The following DAB1 variants were observed in gnomAD, a reference collection of about 807,000 sequenced individuals.
DAB1 encodes the protein disabled homolog 1.
In DAB1, 15 loss-of-function variants were observed where a neutral mutation model predicts 64.6. That is an observed-to-expected ratio of 0.23 (90% CI 0.16 to 0.36). The LOEUF (loss-of-function observed/expected upper bound fraction) is 0.36. DAB1 is among the 10% of genes least tolerant of loss of function. The pLI is 1.00. For missense variants in DAB1, 596 were observed against 706.7 expected (o/e 0.84, Z 1.78); for synonymous variants, 235 against 251.9 (o/e 0.93, Z 0.64).
At chr1:58,278,256 G>A (rs563657004) in intron 4 of DAB1, among the ~76,000 whole-genome samples, 85 of 1,150 alleles carry the variant, frequency 0.074, 39 homozygotes, top group African/African-American at 0.16. Flanking sequence ...ACTGTCTCTC[G>A]CCTGCTGCCA....
Position 57,818,478 on chromosome 1 carries a change from G to A in DAB1, n.551+65521C>T, listed in dbSNP as rs1651969705. On this transcript the variant is annotated intron_variant and non_coding_transcript_variant, in intron 6 of 20. Transcript: ENST00000485760. Reference sequence around the variant, plus strand: ...TTTGTTTTATAAATGAAATAAAATGGATGGGTCAAAATACTGGATAATATT... The same window carrying A: ...TTTGTTTTATAAATGAAATAAAATGAATGGGTCAAAATACTGGATAATATT... Among the ~76,000 whole-genome samples the A allele has an allele frequency of 2.0e-5, 3 of 152,096 alleles. No individual in the cohort carries two copies. In the South Asian group the frequency reaches 6.2e-4, roughly 32 times the overall value.
intron 2 of DAB1, among the ~76,000 whole-genome samples, chr1:57,175,901 C>T (rs1321093482): frequency 1.3e-5 from 2 of 152,114 alleles, no homozygotes; most frequent in East Asian, 1.9e-4. Flanking sequence ...TGGATTTTCC[C>T]GTTTGATTTT....
At chr1:58,287,037 A>T (rs1661701493) in intron 4 of DAB1, among the ~76,000 whole-genome samples, 1 of 152,236 alleles carries the variant, frequency 6.6e-6, no homozygotes, top group Admixed American at 6.5e-5. Context: ...ATGGAGCTGG[A>T]AGCCATTATC....
chr1:57,873,119 T>A (rs1195186804), intron 1 of DAB1, among the ~76,000 whole-genome samples: 14 of 151,980 alleles, frequency 9.2e-5, no homozygotes, highest in Non-Finnish European at 2.1e-4. Context: ...TCATAAAGGG[T>A]CTTAGGTGTC....
At chr1:58,145,245 T>C (rs1273321096) in intron 5 of DAB1, among the ~76,000 whole-genome samples, 2 of 152,218 alleles carry the variant, frequency 1.3e-5, no homozygotes, top group African/African-American at 4.8e-5. Context: ...AGATCCCTCA[T>C]GGGACTTTTT....
chr1:57,092,489 G>A (rs1044807661), intron 4 of DAB1, among the ~76,000 whole-genome samples: 4 of 151,958 alleles, frequency 2.6e-5, no homozygotes, highest in Admixed American at 2.6e-4. Flanking sequence ...TTACCCCTGG[G>A]TTTCTCTCTT....
In DAB1 at chr1:57,819,749, C is replaced by T. The variant is rs188673782; in HGVS notation, n.551+64250G>A. On this transcript the variant is annotated intron_variant and non_coding_transcript_variant, in intron 6 of 20. Coordinates refer to the DAB1 transcript ENST00000485760. Reference sequence around the variant, plus strand: ...AAATATACTGGGAACTGTCATGCTGCTTTGAAAAGTGGGAAAATATTTAGC... The same window carrying T: ...AAATATACTGGGAACTGTCATGCTGTTTTGAAAAGTGGGAAAATATTTAGC... Among the ~76,000 whole-genome samples the T allele has an allele frequency of 1.5e-3, 228 of 152,058 alleles. 5 individuals carry two copies. The South Asian group carries it at 0.037, about 25-fold the overall frequency.
intron 3 of DAB1, chr1:58,462,466 G>C (rs1169458194): frequency 6.6e-6 from 1 of 152,192 alleles, no homozygotes; most frequent in Non-Finnish European, 1.5e-5. Context: ...ATCTCAACCA[G>C]TAGCAATTTT....
chr1:57,323,047 AT>A (rs10671263), intron 1 of DAB1, among the ~76,000 whole-genome samples: 3,153 of 151,664 alleles, frequency 0.021, 89 homozygotes, highest in African/African-American at 0.056. Context: ...GAGTTCTGAG[AT>A]TTTTTTTTGC....
At chr1:57,807,302 A>T (rs1331109590) in intron 6 of DAB1, among the ~76,000 whole-genome samples, 1 of 152,110 alleles carries the variant, frequency 6.6e-6, no homozygotes, top group Non-Finnish European at 1.5e-5. Flanking sequence ...TGATCAATTG[A>T]ATAGGGCAGA....
chr1:57,100,203 C>A (rs1001362873), intron 4 of DAB1, among the ~76,000 whole-genome samples: 1 of 152,092 alleles, frequency 6.6e-6, no homozygotes, highest in African/African-American at 2.4e-5. Context: ...GAATCTACTT[C>A]ATTAGGTTAT....
chr1:57,089,976 C>G (rs1653490144), intron 4 of DAB1, among the ~76,000 whole-genome samples: 1 of 152,148 alleles, frequency 6.6e-6, no homozygotes, highest in African/African-American at 2.4e-5. Context: ...CCTTGTGACA[C>G]AGCCGACACC....
At chr1:57,511,366 CA>C (rs941207126) in intron 7 of DAB1, among the ~76,000 whole-genome samples, 2 of 152,192 alleles carry the variant, frequency 1.3e-5, no homozygotes, top group Admixed American at 1.3e-4. Flanking sequence ...TGATTACACC[CA>C]ACAAGCTGTT....
At chr1:57,031,539 G>A (rs973640548) in intron 9 of DAB1, among the ~76,000 whole-genome samples, 3 of 152,206 alleles carry the variant, frequency 2.0e-5, no homozygotes, top group African/African-American at 7.2e-5. Context: ...CACTATCTAT[G>A]TTTCACAGAT....
At chr1:58,509,564 TAAAC>T (rs1553123299) in intron 2 of DAB1, among the ~76,000 whole-genome samples, 7 of 75,410 alleles carry the variant, frequency 9.3e-5, no homozygotes, top group Non-Finnish European at 2.0e-4. Context: ...AGCAAGCAAA[TAAAC>T]TAACTTTATA....
intron 1 of DAB1, among the ~76,000 whole-genome samples, chr1:57,303,964 C>T (rs754669928): frequency 2.0e-5 from 3 of 152,156 alleles, no homozygotes; most frequent in Non-Finnish European, 4.4e-5. Flanking sequence ...CAACAAACAG[C>T]CTGAAGCTCC....
chr1:57,830,462 T>C (rs958737077), intron 1 of DAB1, among the ~76,000 whole-genome samples: 35 of 152,280 alleles, frequency 2.3e-4, no homozygotes, highest in African/African-American at 8.2e-4. Flanking sequence ...GAGGCAGGAT[T>C]TAAACCCAGG....
chr1:57,636,108 A>AAAAC (rs1553202397), intron 7 of DAB1, among the ~76,000 whole-genome samples: 8 of 149,572 alleles, frequency 5.3e-5, no homozygotes, highest in African/African-American at 2.0e-4. Flanking sequence ...AAAAAAAAAA[A>AAAAC]AAAAACAAAA....
chr1:57,135,413 A>G (rs887699837), intron 4 of DAB1, among the ~76,000 whole-genome samples: 1 of 152,210 alleles, frequency 6.6e-6, no homozygotes, highest in Non-Finnish European at 1.5e-5. Flanking sequence ...AGGCTCATAC[A>G]CATTGTAGCA....
Sources: gnomAD v4.1 joint callset for allele counts (sites outside exome capture counted in the v4.1 genomes callset) on GRCh38, gnomAD v4.1.1 for gene constraint, MANE v1.5 for transcripts, NCBI Gene and HGNC (gene_info 2026-07-23, HGNC 2026-07-21) for gene names.